E2F1: variants seen among roughly 807,000 people sequenced by gnomAD.
E2F1 encodes transcription factor E2F1.
Under a neutral mutation model 36.9 loss-of-function variants are expected in E2F1, and 7 were observed. That is an observed-to-expected ratio of 0.19 (90% CI 0.11 to 0.36). E2F1 has a LOEUF of 0.36. E2F1 is among the 10% of genes least tolerant of loss of function. The probability of loss-of-function intolerance (pLI) is 1.00; values close to 1 mark genes in which losing one functional copy is unlikely to be tolerated. For synonymous variants in E2F1, 261 were observed against 263.1 expected, an observed-to-expected ratio of 0.99 and a Z score of 0.08; for missense variants, 406 against 573.6, an observed-to-expected ratio of 0.71 and a Z score of 2.99.
At chr20:33,685,937 G>A in intron 1 of E2F1, 67 bp downstream of exon 1, 1 of 1,080,642 alleles carries the variant, frequency 9.3e-7, no homozygotes, top group South Asian at 4.4e-5. Flanking sequence ...GCCAAACACG[G>A]CGCCCTCCCG....
chr20:33,678,121 C>T, intron 4 of E2F1, 80 bp downstream of exon 4: 3 of 1,494,432 alleles, frequency 2.0e-6, no homozygotes, highest in Non-Finnish European at 2.7e-6. Flanking sequence ...CTCTTAAATC[C>T]AAGCCTCTCT....
Sources: gnomAD v4.1 joint callset for allele counts on GRCh38, gnomAD v4.1.1 for gene constraint, MANE v1.5 for transcripts, NCBI Gene and HGNC (gene_info 2026-07-23, HGNC 2026-07-21) for gene names.